Variants in PLAAT5 observed in about 807,000 individuals in gnomAD.
PLAAT5 encodes Ca(2+)-independent N-acyltransferase.
Under a neutral mutation model 27.8 loss-of-function variants are expected in PLAAT5, and 27 were observed. The ratio of observed to expected loss-of-function variants is 0.97; its 90% CI spans 0.72 to 1.34. The LOEUF is 1.34. Among genes scored for constraint, PLAAT5 ranks in the 40% most tolerant of loss-of-function variants. PLAAT5 has a pLI of 0.00. For synonymous variants in PLAAT5, 125 were observed against 136.1 expected (o/e 0.92, Z 0.57); for missense variants, 368 against 343.8 (o/e 1.07, Z -0.56).
chr11:63,479,653 T>C (rs1268190028), intron 3 of PLAAT5, among the ~76,000 whole-genome samples: 1 of 152,214 alleles, frequency 6.6e-6, no homozygotes, highest in Non-Finnish European at 1.5e-5. Context: ...AGGCCATTTC[T>C]GCTATTATAC....
chr11:63,488,326 G>C (rs1021958283), intron 3 of PLAAT5, among the ~76,000 whole-genome samples: 1 of 152,098 alleles, frequency 6.6e-6, no homozygotes, highest in Non-Finnish European at 1.5e-5. Flanking sequence ...AGAAACTTTT[G>C]TAAATGACAG....
chr11:63,483,784 A>AAAAT (rs1397719113), intron 3 of PLAAT5, among the ~76,000 whole-genome samples: 41 of 65,674 alleles, frequency 6.2e-4, no homozygotes, highest in African/African-American at 3.4e-3. Context: ...GCAAAAAAAA[A>AAAAT]ATATATATAT....
intron 3 of PLAAT5, among the ~76,000 whole-genome samples, chr11:63,478,057 G>A (rs555318285): frequency 6.6e-6 from 1 of 152,178 alleles, no homozygotes; most frequent in Non-Finnish European, 1.5e-5. Flanking sequence ...TGGCAGGCCT[G>A]TTGGCCTATT....
In PLAAT5 at chr11:63,462,481, G is replaced by C. The variant is rs1391723970; in HGVS notation, c.*1022C>G. ...TAAAAACATTGAAGAGTTTCAGTGA[G>C]AGTCTATTTTCTCCAAATAGGAGAA... On this transcript the variant is annotated 3_prime_UTR_variant, in exon 6 of 6. Coordinates refer to ENST00000540857, the MANE Select transcript of PLAAT5 (RefSeq NM_001146729.2). 1 of 152,184 alleles carries C rather than the reference G, an allele frequency of 6.6e-6. No homozygotes were observed. The highest frequency in any genetic ancestry group is 1.5e-5 in the Non-Finnish European group (1 of 68,040). The allele number at this position is 152,184 out of a possible 1,614,324, so 9.4% of individuals were successfully genotyped here. A position where few individuals can be genotyped will look rare whatever the true frequency, so the allele number is the denominator to read the frequency against.
In PLAAT5 at chr11:63,488,940, G is replaced by A; in HGVS notation, c.276C>T (p.Ser92=). 6.2e-7 allele frequency: 1 copy of A among 1,613,190 alleles called. No individual in the cohort carries two copies. Among genetic ancestry groups the A allele is most frequent in the African/African-American group, 1.3e-5 (1 of 74,948 alleles). The part of the protein sequence containing the change: ...KAVVSLETTP[S]QKADWSSIPK... The stretch of plus-strand genomic sequence containing the variant: ...GAATTGAACTCCAGTCTGCTTTCTG[G>A]CTGGGTGTGGTCTCCAAGCTAACTA... The change falls in exon 3 of 6, where the codon AGC becomes AGT. Residue 92 remains serine, a synonymous_variant. Transcript: ENST00000540857.
intron 3 of PLAAT5, among the ~76,000 whole-genome samples, chr11:63,481,525 T>C (rs957397584): frequency 6.6e-6 from 1 of 152,216 alleles, no homozygotes; most frequent in East Asian, 1.9e-4. Flanking sequence ...TCCCCGTACA[T>C]CTGCACAGGC....
At chr11:63,478,407 G>A (rs886646053) in intron 3 of PLAAT5, among the ~76,000 whole-genome samples, 10 of 151,264 alleles carry the variant, frequency 6.6e-5, no homozygotes, top group African/African-American at 1.9e-4. Context: ...TGCAACCTCC[G>A]CCTCCCTGGT....
intron 3 of PLAAT5, among the ~76,000 whole-genome samples, chr11:63,471,906 T>C (rs193269076): frequency 4.6e-5 from 7 of 152,208 alleles, no homozygotes; most frequent in African/African-American, 1.2e-4. Context: ...TGGTTGGAGC[T>C]GGAAGCCGTT....
At chr11:63,469,035 C>A (rs2015941870) in intron 3 of PLAAT5, among the ~76,000 whole-genome samples, 1 of 152,032 alleles carries the variant, frequency 6.6e-6, no homozygotes, top group Non-Finnish European at 1.5e-5. Context: ...CCTCTGCACA[C>A]CCACACCACC....
rs1234903272 is a variant in PLAAT5, at chr11:63,490,311, C to T, written c.171G>A (p.Ala57=). 1 of 1,614,160 alleles carries T rather than the reference C, an allele frequency of 6.2e-7. No homozygotes were observed. Among genetic ancestry groups the T allele is most frequent in the Non-Finnish European group, 8.5e-7 (1 of 1,180,016 alleles). The change falls in exon 2 of 6, where the codon GCG becomes GCA. Residue 57 remains alanine (A), a synonymous_variant. Coordinates refer to ENST00000540857, the MANE Select transcript of PLAAT5 (RefSeq NM_001146729.2). ...PHSEESVGFA[A]LVQLPAKQPP... ...GCTGCTTGGCTGGGAGCTGGACCAA[C>T]GCTGCGAATCCCACGGATTCTTCTA... is the stretch of plus-strand genomic sequence containing the variant.
rs541967178 is a variant in PLAAT5, at chr11:63,464,845, G to A, written c.718-1250C>T. 7.2e-5 allele frequency among the ~76,000 whole-genome samples: 11 copies of A among 152,306 alleles called. No homozygotes were observed. In the South Asian group the frequency reaches 1.2e-3, roughly 17 times the overall value. ...GGAGGAAGTGACAGAGCCAAATGCA[G>A]TATAGGCCAGGCAGGTAATGTGAGT... On this transcript the variant is annotated intron_variant, in intron 5 of 5. Coordinates refer to ENST00000540857, the MANE Select transcript of PLAAT5 (RefSeq NM_001146729.2).
At chr11:63,479,193 G>C (rs2016226127) in intron 3 of PLAAT5, among the ~76,000 whole-genome samples, 1 of 152,226 alleles carries the variant, frequency 6.6e-6, no homozygotes, top group Non-Finnish European at 1.5e-5. Flanking sequence ...GATGTAGATG[G>C]ATACAGAGGA....
At chr11:63,482,466 T>A (rs2016309784) in intron 3 of PLAAT5, among the ~76,000 whole-genome samples, 1 of 152,174 alleles carries the variant, frequency 6.6e-6, no homozygotes, top group Non-Finnish European at 1.5e-5. Flanking sequence ...TCTTTAGCCA[T>A]CTCAAACAAA....
intron 3 of PLAAT5, among the ~76,000 whole-genome samples, chr11:63,487,120 T>A (rs1320211527): frequency 1.3e-5 from 2 of 152,180 alleles, no homozygotes; most frequent in African/African-American, 4.8e-5. Context: ...GCTGACACAT[T>A]GGACTTCATC....
At chr11:63,483,808 T>A (rs1404799902) in intron 3 of PLAAT5, among the ~76,000 whole-genome samples, 2,110 of 69,742 alleles carry the variant, frequency 0.03, 153 homozygotes, top group African/African-American at 0.14. Context: ...TATGTATATA[T>A]ATATATATAT....
chr11:63,488,789 T>C, intron 3 of PLAAT5, 82 bp downstream of exon 3: 1 of 945,658 alleles, frequency 1.1e-6, no homozygotes, highest in Non-Finnish European at 1.7e-6. Flanking sequence ...TGGACACCCC[T>C]AGAAACAAAG....
chr11:63,484,430 A>G (rs1429516853), intron 3 of PLAAT5, among the ~76,000 whole-genome samples: 1 of 152,202 alleles, frequency 6.6e-6, no homozygotes, highest in African/African-American at 2.4e-5. Context: ...CAGCATATCA[A>G]AAAGATAATC....
rs2015928545 is a variant in PLAAT5 at position 63,468,590 on chromosome 11, A to G, written c.346-125T>C. ...TGGTTCATCACTTCACAGAAACCCA[A>G]GCTAAAGAAATTTCTCTTCACACTG... On this transcript the variant is annotated intron_variant, in intron 3 of 5. Coordinates refer to ENST00000540857, the MANE Select transcript of PLAAT5 (RefSeq NM_001146729.2). 7.4e-6 allele frequency: 5 copies of G among 675,540 alleles called. No individual in the cohort carries two copies. The South Asian group carries it at 1.0e-4, about 13-fold the overall frequency. The allele number at this position is 675,540 out of a possible 1,614,324, so 41.8% of individuals were successfully genotyped here. A position where few individuals can be genotyped will look rare whatever the true frequency, so the allele number is the denominator to read the frequency against.
rs769748722 is a variant in PLAAT5, at chr11:63,490,976, G to A, written c.59C>T (p.Pro20Leu). The A allele has an allele frequency of 8.2e-6, 13 of 1,579,094 alleles. No homozygotes were observed. In the South Asian group the frequency reaches 1.3e-4, roughly 15 times the overall value. ...EYALRLPRIP[P>L]PLPKPASRTA... ...TCGCGAGGCGGGTTTGGGGAGGGGT[G>A]GGGGAATCCTAGGGAGGCGGAGCGC... The change falls in exon 1 of 6, where the codon CCA becomes CTA. Residue 20 changes from proline (P) to leucine (L), a missense_variant. Transcript: ENST00000540857.
Sources: allele counts gnomAD v4.1 joint callset (sites outside exome capture counted in the v4.1 genomes callset), GRCh38; gene constraint gnomAD v4.1.1; transcripts MANE v1.5; gene names NCBI Gene and HGNC (gene_info 2026-07-23, HGNC 2026-07-21).